The following TRPM7 variants were observed in gnomAD, a reference collection of about 807,000 sequenced individuals.
TRPM7 encodes the protein LTRPC ion channel family member 7.
Under a neutral mutation model 229.7 loss-of-function variants are expected in TRPM7, and 134 were observed. The ratio of observed to expected loss-of-function variants is 0.58; its 90% CI spans 0.51 to 0.67. The LOEUF (loss-of-function observed/expected upper bound fraction) is 0.67, where lower values mean the gene tolerates loss of function less well. Ranked by LOEUF, TRPM7 falls within the 30% of genes least tolerant of loss-of-function variation. TRPM7 has a pLI of 0.00. For missense variants in TRPM7, 1,901 were observed against 2,210.0 expected, an observed-to-expected ratio of 0.86 and a Z score of 2.80; for synonymous variants, 699 against 715.2, an observed-to-expected ratio of 0.98 and a Z score of 0.36.
chr15:50,623,159 A>G (rs1473861857), intron 12 of TRPM7, among the ~76,000 whole-genome samples: 1 of 151,812 alleles, frequency 6.6e-6, no homozygotes, highest in Non-Finnish European at 1.5e-5. Flanking sequence ...CACGCCTGTA[A>G]TCCCAGTGCT....
At chr15:50,569,777 C>T in intron 38 of TRPM7, 110 bp downstream of exon 38, 1 of 552,294 alleles carries the variant, frequency 1.8e-6, no homozygotes, top group Non-Finnish European at 3.1e-6. Context: ...CTGAAGCTGG[C>T]ACAATTAGAG....
In TRPM7 at chr15:50,678,643, T is replaced by G. The variant is rs184650060; in HGVS notation, c.3+7888A>C. Among the ~76,000 whole-genome samples, 3 of 151,958 alleles carry G rather than the reference T, an allele frequency of 2.0e-5. No individual in the cohort carries two copies. In the East Asian group the frequency reaches 5.8e-4, roughly 29 times the overall value. On this transcript the variant is annotated intron_variant, in intron 1 of 38. Coordinates refer to ENST00000646667, the MANE Select transcript of TRPM7 (RefSeq NM_017672.6). Reference sequence around the variant, plus strand: ...CAACTAATTAATAATTAGATATTACTGACATTTTAGATACGAACCCTATGA... The same window carrying G: ...CAACTAATTAATAATTAGATATTACGGACATTTTAGATACGAACCCTATGA...
In TRPM7 at chr15:50,609,743, A is replaced by T; in HGVS notation, c.2437-19T>A. 1 of 1,578,378 alleles carries T rather than the reference A, an allele frequency of 6.3e-7. No individual in the cohort carries two copies. Among genetic ancestry groups the T allele is most frequent in the Non-Finnish European group, 8.6e-7 (1 of 1,167,178 alleles). On this transcript the variant is annotated intron_variant, in intron 18 of 38. Coordinates refer to ENST00000646667, the MANE Select transcript of TRPM7 (RefSeq NM_017672.6). The stretch of plus-strand genomic sequence containing the variant: ...ACACTTCCTAAAATTAAAAAAAAAA[A>T]AATTCTTTTGTACAATTATTCAGAA...
intron 2 of TRPM7, among the ~76,000 whole-genome samples, chr15:50,658,451 T>A (rs2061639040): frequency 6.6e-6 from 1 of 151,764 alleles, no homozygotes; most frequent in Non-Finnish European, 1.5e-5. Context: ...AGGCCTATAG[T>A]CCTAGCTACT....
chr15:50,631,518 G>A, intron 9 of TRPM7, 29 bp from the exon 10 acceptor site: 3 of 1,465,128 alleles, frequency 2.0e-6, no homozygotes, highest in Non-Finnish European at 1.9e-6. Context: ...ATAACATTAT[G>A]CCTTTATATT....
intron 2 of TRPM7, among the ~76,000 whole-genome samples, chr15:50,661,924 A>G (rs1216990636): frequency 1.3e-5 from 2 of 152,206 alleles, no homozygotes; most frequent in Non-Finnish European, 1.5e-5. Flanking sequence ...GGCCTCAGAA[A>G]AAAGAAAAAT....
At chr15:50,656,256 A>T (rs1240048002) in intron 3 of TRPM7, among the ~76,000 whole-genome samples, 1 of 152,074 alleles carries the variant, frequency 6.6e-6, no homozygotes, top group Non-Finnish European at 1.5e-5. Context: ...AGGACTGGAG[A>T]TGGTTAAGTA....
At chr15:50,571,567 A>G (rs78367944) in intron 36 of TRPM7, among the ~76,000 whole-genome samples, 1 of 132,280 alleles carries the variant, frequency 7.6e-6, no homozygotes, top group Non-Finnish European at 1.7e-5. Context: ...CGTTAGGCAG[A>G]AAAAAAAAGT....
chr15:50,574,005 T>C (rs1468034824), intron 36 of TRPM7, among the ~76,000 whole-genome samples: 2 of 144,720 alleles, frequency 1.4e-5, no homozygotes, highest in Non-Finnish European at 3.0e-5. Context: ...TGCAGTGAGC[T>C]GAGATTGCAC....
chr15:50,601,821 G>C (rs934763730), intron 21 of TRPM7, among the ~76,000 whole-genome samples: 1 of 151,694 alleles, frequency 6.6e-6, no homozygotes, highest in African/African-American at 2.4e-5. Context: ...GGCAAAAACC[G>C]CAATTACTTT....
At chr15:50,657,757 G>A in intron 3 of TRPM7, 24 bp downstream of exon 3, 1 of 1,604,042 alleles carries the variant, frequency 6.2e-7, no homozygotes, top group Non-Finnish European at 8.5e-7. Context: ...CGAAATTTGT[G>A]CGGTATAGTT....
rs559801249 is a variant in TRPM7, at chr15:50,678,154, T to A, written c.3+8377A>T. On this transcript the variant is annotated intron_variant, in intron 1 of 38. Transcript: ENST00000646667. ...TACTCGGGAGGCTGAGGCAGGAGGA[T>A]GGCGTGAACCCAAGAGGCAGAGCTT... is the stretch of plus-strand genomic sequence containing the variant. 6.1e-5 allele frequency among the ~76,000 whole-genome samples: 9 copies of A among 147,104 alleles called. No homozygotes were observed. In the South Asian group the frequency reaches 1.3e-3, roughly 21 times the overall value.
rs113085829 is a variant in TRPM7, at chr15:50,565,170, T to C, written c.5468-3362A>G. On this transcript the variant is annotated intron_variant, in intron 38 of 38. Coordinates refer to ENST00000646667, the MANE Select transcript of TRPM7 (RefSeq NM_017672.6). ...CTAATTTTTGTATTTTTAGTAGAGA[T>C]AGGTTTTCACCATGTTGGCCAGGCT... 1.6e-3 allele frequency among the ~76,000 whole-genome samples: 247 copies of C among 152,150 alleles called. 2 individuals are homozygous for C. Among genetic ancestry groups the C allele is most frequent in the African/African-American group, 5.2e-3 (217 of 41,516 alleles).
chr15:50,557,309 T>C lies in TRPM7; in HGVS notation c.*4369A>G, dbSNP rs951918917. On this transcript the variant is annotated 3_prime_UTR_variant, in exon 39 of 39. Coordinates refer to ENST00000646667, the MANE Select transcript of TRPM7 (RefSeq NM_017672.6). Reference sequence around the variant, plus strand: ...ATTCAGATTTTTTTTTCTTACAGTATGCCCATCACAAACCAGGCAGCAAGC... The same window carrying C: ...ATTCAGATTTTTTTTTCTTACAGTACGCCCATCACAAACCAGGCAGCAAGC... 3 of 152,160 alleles carry C rather than the reference T, an allele frequency of 2.0e-5. No individual in the cohort carries two copies. Among genetic ancestry groups the C allele is most frequent in the African/African-American group, 7.2e-5 (3 of 41,448 alleles). The allele number at this position is 152,160 out of a possible 1,614,324, so 9.4% of individuals were successfully genotyped here.
intron 36 of TRPM7, among the ~76,000 whole-genome samples, chr15:50,570,753 G>A (rs569258077): frequency 6.6e-6 from 1 of 151,316 alleles, no homozygotes; most frequent in African/African-American, 2.4e-5. Context: ...CTTTCGGGAG[G>A]CTGAGACGGG....
intron 1 of TRPM7, among the ~76,000 whole-genome samples, chr15:50,667,581 C>T (rs1596338439): frequency 6.6e-6 from 1 of 152,144 alleles, no homozygotes; most frequent in Non-Finnish European, 1.5e-5. Flanking sequence ...GTGCCTTGCA[C>T]CTGTAATCCC....
chr15:50,680,429 A>G (rs978210316), intron 1 of TRPM7, among the ~76,000 whole-genome samples: 4 of 150,844 alleles, frequency 2.7e-5, no homozygotes, highest in African/African-American at 9.8e-5. Context: ...AAGTAGCCCA[A>G]TGTGGTGGCG....
At chr15:50,591,454 T>C (rs946918383) in intron 26 of TRPM7, among the ~76,000 whole-genome samples, 5 of 151,884 alleles carry the variant, frequency 3.3e-5, no homozygotes, top group Non-Finnish European at 7.4e-5. Flanking sequence ...ATAACTCTTA[T>C]AGCCTAATTC....
intron 22 of TRPM7, among the ~76,000 whole-genome samples, chr15:50,597,560 TA>T (rs1241582526): frequency 6.6e-6 from 1 of 152,128 alleles, no homozygotes; most frequent in African/African-American, 2.4e-5. Flanking sequence ...TGCAGGAAAC[TA>T]AAAAACTATA....
Sources: gnomAD v4.1 joint callset for allele counts (sites outside exome capture counted in the v4.1 genomes callset) on GRCh38, gnomAD v4.1.1 for gene constraint, MANE v1.5 for transcripts, NCBI Gene and HGNC (gene_info 2026-07-23, HGNC 2026-07-21) for gene names.